FBXO11: variants seen among roughly 807,000 people sequenced by gnomAD.
FBXO11 encodes F-box only protein 11.
A neutral mutation model predicts 117.0 loss-of-function variants in FBXO11; 13 were observed. The observed-to-expected ratio is 0.11, with a 90% CI of 0.07 to 0.18. The LOEUF is 0.18. FBXO11 is among the 10% of genes least tolerant of loss of function. The pLI is 1.00. For synonymous variants in FBXO11, 490 were observed against 380.5 expected (o/e 1.29, Z -3.35); for missense variants, 767 against 1,164.4 (o/e 0.66, Z 4.97).
At chr2:47,809,002 TACAGTCTTAA>T (rs1474140412) in intron 21 of FBXO11, 146 bp downstream of exon 21, 1 of 538,528 alleles carries the variant, frequency 1.9e-6, no homozygotes, top group Non-Finnish European at 3.3e-6. Context: ...TACCCACAGT[TACAGTCTTAA>T]ACACGATCTT....
At chr2:47,871,899 C>T (rs930111807) in intron 1 of FBXO11, among the ~76,000 whole-genome samples, 7 of 152,206 alleles carry the variant, frequency 4.6e-5, no homozygotes, top group African/African-American at 1.7e-4. Context: ...AATCTGTCAA[C>T]ATTTCTATAC....
intron 1 of FBXO11, among the ~76,000 whole-genome samples, chr2:47,892,854 G>C (rs1366271457): frequency 2.6e-5 from 4 of 151,964 alleles, no homozygotes; most frequent in Non-Finnish European, 5.9e-5. Context: ...TTCTTATCTA[G>C]GCGTTTTTTT....
At chr2:47,838,343 TTTAGA>T (rs1304949197) in intron 4 of FBXO11, among the ~76,000 whole-genome samples, 19 of 152,184 alleles carry the variant, frequency 1.2e-4, no homozygotes, top group Admixed American at 2.0e-4. Flanking sequence ...ATTCTGGATA[TTTAGA>T]TTATTTATAA....
At chr2:47,870,648 C>T (rs1264018017) in intron 1 of FBXO11, among the ~76,000 whole-genome samples, 1 of 152,214 alleles carries the variant, frequency 6.6e-6, no homozygotes, top group Admixed American at 6.5e-5. Context: ...CTCAAAGAAT[C>T]ATGGTGCTGC....
intron 1 of FBXO11, among the ~76,000 whole-genome samples, chr2:47,895,689 G>C (rs1305963782): frequency 6.6e-6 from 1 of 152,084 alleles, no homozygotes; most frequent in Non-Finnish European, 1.5e-5. Context: ...TAACTATATA[G>C]TTTATGTTGT....
chr2:47,827,192 T>C (rs551983081), intron 11 of FBXO11, among the ~76,000 whole-genome samples: 1 of 151,940 alleles, frequency 6.6e-6, no homozygotes, highest in Non-Finnish European at 1.5e-5. Context: ...GGCACAACAA[T>C]GATTTTACTA....
At position 47,843,571 on chromosome 2, in the gene FBXO11, C is replaced by T. The variant is rs1322649922; in HGVS notation, c.233-3802G>A. ...TGTAATTAATGGCTTTCTTCATCATCTTCATTATGTAATGGCTTTCTTCAT... is the reference window on the plus strand; with the variant it reads ...TGTAATTAATGGCTTTCTTCATCATTTTCATTATGTAATGGCTTTCTTCAT... On this transcript the variant is annotated intron_variant, in intron 1 of 22. Coordinates refer to ENST00000403359, the MANE Select transcript of FBXO11 (RefSeq NM_001190274.2). Among the ~76,000 whole-genome samples, 3 of 151,960 alleles carry T rather than the reference C, an allele frequency of 2.0e-5. No homozygotes were observed. The East Asian group carries it at 5.8e-4, about 29-fold the overall frequency.
chr2:47,895,298 G>A (rs1228973128), intron 1 of FBXO11, among the ~76,000 whole-genome samples: 1 of 152,162 alleles, frequency 6.6e-6, no homozygotes, highest in Non-Finnish European at 1.5e-5. Context: ...TTCATACAAT[G>A]TAATACTAAA....
chr2:47,836,648 TG>T (rs1383375520), intron 4 of FBXO11, among the ~76,000 whole-genome samples: 1 of 151,732 alleles, frequency 6.6e-6, no homozygotes, highest in Non-Finnish European at 1.5e-5. Flanking sequence ...ATTTTCACAA[TG>T]TAACTGCGTA....
intron 1 of FBXO11, chr2:47,883,480 T>C: frequency 2.4e-6 from 1 of 414,036 alleles, no homozygotes; most frequent in South Asian, 1.9e-5. Context: ...AAAACCCTTA[T>C]GGGGAAGACC....
At chr2:47,819,463 G>A (rs555946346) in intron 14 of FBXO11, among the ~76,000 whole-genome samples, 63 of 152,190 alleles carry the variant, frequency 4.1e-4, no homozygotes, top group African/African-American at 1.4e-3. Context: ...ATCCACCCGC[G>A]TTGGCCTCCC....
chr2:47,841,507 C>G (rs1391753009), intron 1 of FBXO11, among the ~76,000 whole-genome samples: 1 of 152,172 alleles, frequency 6.6e-6, no homozygotes, highest in Non-Finnish European at 1.5e-5. Context: ...AAACCTGAAT[C>G]CGATCAAACC....
chr2:47,809,735 T>C (rs1043332222), intron 19 of FBXO11, 28 bp from the exon 20 acceptor site: 2 of 1,441,934 alleles, frequency 1.4e-6, no homozygotes, highest in Non-Finnish European at 1.9e-6. Context: ...AACAAGTAGA[T>C]ACATCACTTT....
intron 1 of FBXO11, among the ~76,000 whole-genome samples, chr2:47,872,999 A>C (rs1675736242): frequency 6.6e-6 from 1 of 152,196 alleles, no homozygotes; most frequent in African/African-American, 2.4e-5. Context: ...CTCCACAAGC[A>C]GTTAAAAGGG....
At chr2:47,849,885 A>G (rs1436765452) in intron 1 of FBXO11, among the ~76,000 whole-genome samples, 1 of 152,204 alleles carries the variant, frequency 6.6e-6, no homozygotes, top group East Asian at 1.9e-4. Context: ...AGGCTATTAC[A>G]AACACTTAAA....
intron 1 of FBXO11, among the ~76,000 whole-genome samples, chr2:47,870,464 G>C (rs377525519): frequency 1.3e-5 from 2 of 152,128 alleles, no homozygotes; most frequent in African/African-American, 4.8e-5. Context: ...AATTCAATAG[G>C]ACTAGTGTCC....
chr2:47,891,763 C>T (rs539435247), intron 1 of FBXO11, among the ~76,000 whole-genome samples: 18 of 152,240 alleles, frequency 1.2e-4, no homozygotes, highest in African/African-American at 4.3e-4. Context: ...TCAATTTCTA[C>T]GTATCTTCAC....
chr2:47,882,617 G>A (rs1409194842), intron 1 of FBXO11, among the ~76,000 whole-genome samples: 2 of 152,094 alleles, frequency 1.3e-5, no homozygotes, highest in African/African-American at 4.8e-5. Flanking sequence ...CTTGGGGCTA[G>A]TCTGCTTCTT....
intron 11 of FBXO11, among the ~76,000 whole-genome samples, 182 bp from the exon 12 acceptor site, chr2:47,823,542 G>C (rs1671530465): frequency 6.6e-6 from 1 of 152,064 alleles, no homozygotes; most frequent in Admixed American, 6.6e-5. Flanking sequence ...GATCACCTGA[G>C]GTCAAGAGGA....
Sources: gnomAD v4.1 joint callset for allele counts (sites outside exome capture counted in the v4.1 genomes callset) on GRCh38, gnomAD v4.1.1 for gene constraint, MANE v1.5 for transcripts, NCBI Gene and HGNC (gene_info 2026-07-23, HGNC 2026-07-21) for gene names.